The following FHIT variants were observed in gnomAD, a reference collection of about 807,000 sequenced individuals.
FHIT encodes fragile histidine triad diadenosine triphosphatase, also known as bis(5'-adenosyl)-triphosphatase.
FHIT carries 19 observed loss-of-function variants against 17.9 expected under a neutral mutation model. The ratio of observed to expected loss-of-function variants is 1.06; its 90% CI spans 0.74 to 1.56. The LOEUF is 1.56. FHIT is among the 40% of genes most tolerant of loss of function. The pLI is 0.00. For synonymous variants in FHIT, 81 were observed against 69.7 expected, an observed-to-expected ratio of 1.16 and a Z score of -0.81; for missense variants, 248 against 189.2, an observed-to-expected ratio of 1.31 and a Z score of -1.82.
intron 5 of FHIT, among the ~76,000 whole-genome samples, chr3:60,346,607 C>G (rs1710794297): frequency 6.6e-6 from 1 of 152,140 alleles, no homozygotes; most frequent in Non-Finnish European, 1.5e-5. Context: ...TTCCTTTTCG[C>G]CAAATAAATT....
rs1317492826 is a variant in FHIT at position 59,984,966 on chromosome 3, T to C, written c.279+26405A>G. Among the ~76,000 whole-genome samples the C allele has an allele frequency of 7.2e-5, 11 of 152,170 alleles. No individual in the cohort carries two copies. In the East Asian group the frequency reaches 2.1e-3, roughly 30 times the overall value. On this transcript the variant is annotated intron_variant, in intron 7 of 9. Transcript: ENST00000492590. ...AAGCCAGGTGTGTTGAGGTCTATGA[T>C]CCAGTAATGAACCTGAATCAGAAAT... is the stretch of plus-strand genomic sequence containing the variant.
chr3:59,825,685 A>G lies in FHIT; in HGVS notation c.349-73364T>C, dbSNP rs1299023579. 2.0e-5 allele frequency among the ~76,000 whole-genome samples: 3 copies of G among 152,342 alleles called. No homozygotes were observed. The East Asian group carries it at 5.8e-4, about 29-fold the overall frequency. On this transcript the variant is annotated intron_variant, in intron 8 of 9. Transcript: ENST00000492590. Reference sequence around the variant, plus strand: ...CTCAGTTTATCTTACACATTACTGAAGCCCATTCTATAGAAGACTAATAGT... The same window carrying G: ...CTCAGTTTATCTTACACATTACTGAGGCCCATTCTATAGAAGACTAATAGT...
chr3:59,814,485 A>G, intron 8 of FHIT, among the ~76,000 whole-genome samples: 1 of 152,228 alleles, frequency 6.6e-6, no homozygotes, highest in East Asian at 1.9e-4. Flanking sequence ...TATTTTATAA[A>G]TGTCTATATT....
At chr3:60,479,540 A>G (rs192169384) in intron 5 of FHIT, among the ~76,000 whole-genome samples, 27 of 152,220 alleles carry the variant, frequency 1.8e-4, no homozygotes, top group African/African-American at 6.3e-4. Flanking sequence ...TGATGCTGGT[A>G]TAAATGAACC....
At chr3:61,031,450 A>C (rs1301921460) in intron 3 of FHIT, among the ~76,000 whole-genome samples, 1 of 142,462 alleles carries the variant, frequency 7.0e-6, no homozygotes, top group Non-Finnish European at 1.5e-5. Flanking sequence ...TCTCAACCTG[A>C]AAATTTGTTG....
intron 5 of FHIT, among the ~76,000 whole-genome samples, chr3:60,272,685 C>A (rs1355939846): frequency 6.6e-6 from 1 of 152,182 alleles, no homozygotes; most frequent in African/African-American, 2.4e-5. Flanking sequence ...TTTGAAGTCA[C>A]AGAAATGTTA....
chr3:60,306,103 TG>T (rs1196876495), intron 5 of FHIT, among the ~76,000 whole-genome samples: 1 of 152,122 alleles, frequency 6.6e-6, no homozygotes, highest in Non-Finnish European at 1.5e-5. Context: ...TATGTCTTCA[TG>T]AGGGGTATTA....
At position 61,239,975 on chromosome 3, in the gene FHIT, C is replaced by G. The variant is rs1396822605; in HGVS notation, c.-213+11326G>C. 1.3e-5 allele frequency among the ~76,000 whole-genome samples: 2 copies of G among 152,002 alleles called. 1 individual carries two copies. Among genetic ancestry groups the G allele is most frequent in the Non-Finnish European group, 2.9e-5 (2 of 68,018 alleles). ...GCCCTTGCATATAGTTCCAGCAGTC[C>G]TCAACCCACAGGAGTTGGACCCAGC... On this transcript the variant is annotated intron_variant, in intron 1 of 9. Transcript: ENST00000492590.
intron 4 of FHIT, among the ~76,000 whole-genome samples, chr3:60,661,914 T>C (rs1553691255): frequency 6.6e-6 from 1 of 152,316 alleles, no homozygotes. Flanking sequence ...GTTTTTTTTC[T>C]TGCTAATTTG....
At chr3:60,245,608 G>T (rs1024327463) in intron 5 of FHIT, among the ~76,000 whole-genome samples, 1 of 151,992 alleles carries the variant, frequency 6.6e-6, no homozygotes, top group Admixed American at 6.6e-5. Flanking sequence ...AAAGAAACTA[G>T]TGATGTTGAG....
intron 5 of FHIT, among the ~76,000 whole-genome samples, chr3:60,341,006 T>C (rs571367751): frequency 2.6e-5 from 4 of 152,250 alleles, no homozygotes; most frequent in Admixed American, 2.6e-4. Flanking sequence ...GAATTTTTTT[T>C]AAATGAAACA....
intron 5 of FHIT, among the ~76,000 whole-genome samples, chr3:60,247,178 T>G (rs1705440398): frequency 6.6e-6 from 1 of 151,266 alleles, no homozygotes; most frequent in Admixed American, 6.6e-5. Flanking sequence ...CTCTGTACCT[T>G]CTGCTAAATT....
intron 5 of FHIT, among the ~76,000 whole-genome samples, chr3:60,155,697 T>C (rs1050550111): frequency 4.6e-5 from 7 of 152,320 alleles, no homozygotes; most frequent in African/African-American, 1.7e-4. Context: ...GTTTTTTTTC[T>C]GACATTCATT....
intron 5 of FHIT, among the ~76,000 whole-genome samples, chr3:60,518,851 A>G (rs925662895): frequency 3.3e-5 from 5 of 152,176 alleles, no homozygotes; most frequent in African/African-American, 1.2e-4. Flanking sequence ...TCTACTAAAA[A>G]TACAAAAATT....
intron 5 of FHIT, among the ~76,000 whole-genome samples, chr3:60,497,138 G>T (rs138143842): frequency 3.5e-4 from 53 of 152,180 alleles, no homozygotes; most frequent in Admixed American, 2.6e-3. Flanking sequence ...TATTGTATCT[G>T]GTCGGTACAG....
chr3:61,160,764 T>C (rs2037665680), intron 2 of FHIT, among the ~76,000 whole-genome samples: 1 of 152,250 alleles, frequency 6.6e-6, no homozygotes, highest in Non-Finnish European at 1.5e-5. Flanking sequence ...GGGCTATTTC[T>C]CTACATTTCT....
chr3:60,068,818 T>C (rs747074235), intron 5 of FHIT, among the ~76,000 whole-genome samples: 13 of 152,348 alleles, frequency 8.5e-5, no homozygotes, highest in Non-Finnish European at 1.8e-4. Context: ...ATAGAAATGC[T>C]ATTCTTGTTT....
chr3:61,001,080 G>A (rs141485357), intron 3 of FHIT, among the ~76,000 whole-genome samples: 3 of 152,148 alleles, frequency 2.0e-5, no homozygotes, highest in African/African-American at 7.2e-5. Context: ...TTAGCCATAA[G>A]AGAAATGCAA....
chr3:60,749,227 C>T (rs770024762), intron 4 of FHIT, among the ~76,000 whole-genome samples: 91 of 152,278 alleles, frequency 6.0e-4, no homozygotes, highest in Non-Finnish European at 9.9e-4. Context: ...GAGTAAAAGC[C>T]ACCCTGAAGA....
Sources: gnomAD v4.1 joint callset for allele counts (sites outside exome capture counted in the v4.1 genomes callset) on GRCh38, gnomAD v4.1.1 for gene constraint, MANE v1.5 for transcripts, NCBI Gene and HGNC (gene_info 2026-07-23, HGNC 2026-07-21) for gene names.